The following SLC23A2 variants were observed in gnomAD, a reference collection of about 807,000 sequenced individuals.
SLC23A2 encodes the protein Na(+)/L-ascorbic acid transporter 2.
In SLC23A2, 36 loss-of-function variants were observed where a neutral mutation model predicts 73.3. The observed-to-expected ratio is 0.49, with a 90% CI of 0.38 to 0.65. The LOEUF is 0.65. Ranked by LOEUF, SLC23A2 falls within the 30% of genes least tolerant of loss-of-function variation. SLC23A2 has a pLI of 0.00. For missense variants in SLC23A2, 507 were observed against 841.6 expected (o/e 0.60, Z 4.92); for synonymous variants, 343 against 327.3 (o/e 1.05, Z -0.52).
chr20:4,875,830 G>T (rs1350440415), intron 9 of SLC23A2, among the ~76,000 whole-genome samples: 1 of 152,228 alleles, frequency 6.6e-6, no homozygotes, highest in Non-Finnish European at 1.5e-5. Context: ...GGAAGAGTAG[G>T]TTCTCAGTCA....
intron 9 of SLC23A2, among the ~76,000 whole-genome samples, chr20:4,879,045 T>G (rs1460137203): frequency 6.6e-6 from 1 of 152,204 alleles, no homozygotes; most frequent in African/African-American, 2.4e-5. Flanking sequence ...GTTCCTGACT[T>G]CAAAAGGCAG....
At position 4,902,405 on chromosome 20, in the gene SLC23A2, C is replaced by A; in HGVS notation, c.324+37G>T. 1 of 1,141,604 alleles carries A rather than the reference C, an allele frequency of 8.8e-7. No individual in the cohort carries two copies. The highest frequency in any genetic ancestry group is 1.3e-6 in the Non-Finnish European group (1 of 774,156). 70.7% of individuals were successfully genotyped at this position (1,141,604 alleles called of 1,614,324 possible). ...TCCAGATGGTAGACAATGCAAACAC[C>A]TGCTGGTAGTTACACATCCTACAGG... On this transcript the variant is annotated intron_variant, in intron 5 of 16. Transcript: ENST00000338244. This position sits in a 1 kb window ranked among gnomAD's most constrained non-coding sequence, Gnocchi z 4.0.
Position 4,862,764 on chromosome 20 carries a change from G to C in SLC23A2, c.1486+14C>G. 1 of 1,603,436 alleles carries C rather than the reference G, an allele frequency of 6.2e-7. No homozygotes were observed. The highest frequency in any genetic ancestry group is 1.3e-5 in the African/African-American group (1 of 74,816). On this transcript the variant is annotated intron_variant, in intron 14 of 16. Coordinates refer to ENST00000338244, the MANE Select transcript of SLC23A2 (RefSeq NM_005116.6). The surrounding 1 kb of genome is among the most constrained non-coding windows in gnomAD (Gnocchi z 5.1). ...TGGAAAAGTAAAGGAAAAAGCCAGA[G>C]AGGGGAGTCTTACCAAAGAGCGTGC... is the stretch of plus-strand genomic sequence containing the variant.
chr20:4,895,431 T>C (rs1049364221), intron 6 of SLC23A2, among the ~76,000 whole-genome samples: 3 of 152,204 alleles, frequency 2.0e-5, no homozygotes, highest in African/African-American at 7.2e-5. Context: ...GATGGATCTA[T>C]CTAAGCAACT....
At chr20:4,892,326 A>G (rs927288406) in intron 6 of SLC23A2, among the ~76,000 whole-genome samples, 1 of 151,966 alleles carries the variant, frequency 6.6e-6, no homozygotes, top group African/African-American at 2.4e-5. Flanking sequence ...TACCTGGGAT[A>G]TAGGCACCCA....
At chr20:4,859,191 A>G in intron 16 of SLC23A2, 98 bp downstream of exon 16, 1 of 762,752 alleles carries the variant, frequency 1.3e-6, no homozygotes, top group East Asian at 2.5e-5. Context: ...CTTTGAACTC[A>G]TTTACTCTTC....
chr20:5,000,647 C>T (rs1332153875), intron 1 of SLC23A2, among the ~76,000 whole-genome samples: 1 of 152,158 alleles, frequency 6.6e-6, no homozygotes, highest in African/African-American at 2.4e-5. Flanking sequence ...AATTTCCCAT[C>T]AGTCACGCTT....
Position 4,862,859 on chromosome 20 carries a change from G to A in SLC23A2, c.1405C>T (p.Leu469=). ...GCGCTGAACTTCCCGATCATGCCCA[G>A]AGCGAGCATGAGGGCTGCTCCGCAC... is the stretch of plus-strand genomic sequence containing the variant. ...IQCGAALMLA[L]GMIGKFSALF... The change falls in exon 14 of 17, where the codon CTG becomes TTG. Residue 469 remains leucine, a synonymous_variant. Coordinates refer to ENST00000338244, the MANE Select transcript of SLC23A2 (RefSeq NM_005116.6). The surrounding 1 kb of genome is among the most constrained non-coding windows in gnomAD (Gnocchi z 5.1). 1 of 1,613,668 alleles carries A rather than the reference G, an allele frequency of 6.2e-7. No homozygotes were observed. The highest frequency in any genetic ancestry group is 8.5e-7 in the Non-Finnish European group (1 of 1,179,686).
chr20:4,895,477 T>C (rs1044678003), intron 6 of SLC23A2, among the ~76,000 whole-genome samples: 4 of 152,198 alleles, frequency 2.6e-5, no homozygotes, highest in Non-Finnish European at 5.9e-5. Flanking sequence ...AGTTCACATT[T>C]TCATATGCAA....
At chr20:4,923,262 G>A (rs890276690) in intron 3 of SLC23A2, among the ~76,000 whole-genome samples, 1 of 142,926 alleles carries the variant, frequency 7.0e-6, no homozygotes, top group African/African-American at 2.6e-5. Context: ...GGCAGGGAGG[G>A]AGGGAGGGAG....
intron 2 of SLC23A2, among the ~76,000 whole-genome samples, chr20:4,949,953 A>G (rs1298145575): frequency 6.6e-6 from 1 of 152,180 alleles, no homozygotes; most frequent in East Asian, 1.9e-4. Context: ...GGTACTCAGC[A>G]TGAGACGCTC....
chr20:4,871,516 A>T (rs1309036770), intron 11 of SLC23A2, among the ~76,000 whole-genome samples: 1 of 152,192 alleles, frequency 6.6e-6, no homozygotes, highest in Non-Finnish European at 1.5e-5. Flanking sequence ...CATCTAAGCC[A>T]CCTAGAGGGG....
intron 3 of SLC23A2, 45 bp from the exon 4 acceptor site, chr20:4,913,023 T>C (rs1234248396): frequency 1.2e-5 from 15 of 1,295,592 alleles, no homozygotes; most frequent in Non-Finnish European, 1.7e-5. Context: ...GTGAACCACA[T>C]TTTCCTCCCC....
intron 2 of SLC23A2, among the ~76,000 whole-genome samples, chr20:4,970,020 G>C (rs2087537582): frequency 6.6e-6 from 1 of 152,122 alleles, no homozygotes; most frequent in Non-Finnish European, 1.5e-5. Flanking sequence ...TGTACATGTG[G>C]TTAGTCTCAT....
At chr20:4,975,991 T>C (rs554733374) in intron 1 of SLC23A2, among the ~76,000 whole-genome samples, 59 of 151,758 alleles carry the variant, frequency 3.9e-4, no homozygotes, top group Middle Eastern at 3.4e-3. Context: ...GTAGCTGGGA[T>C]TACGGGCACC....
intron 1 of SLC23A2, among the ~76,000 whole-genome samples, chr20:4,973,034 A>G (rs1554379): frequency 0.44 from 67,355 of 152,128 alleles, 15,005 homozygotes; most frequent in South Asian, 0.53. Flanking sequence ...CAGTTAAGTT[A>G]TAATAACAAA....
At chr20:4,908,048 G>GA (rs996411962) in intron 4 of SLC23A2, among the ~76,000 whole-genome samples, 4 of 151,906 alleles carry the variant, frequency 2.6e-5, no homozygotes, top group South Asian at 2.1e-4. Flanking sequence ...GTGCTAAGAG[G>GA]AAAAAAAAGA....
rs1929730950 is a variant in SLC23A2 at position 4,856,846 on chromosome 20, TC to T, written c.*125del. 6 of 665,664 alleles carry T rather than the reference TC, an allele frequency of 9.0e-6. No individual in the cohort carries two copies. The African/African-American group carries it at 1.1e-4, about 12-fold the overall frequency. 41.2% of individuals were successfully genotyped at this position (665,664 alleles called of 1,614,324 possible). On this transcript the variant is annotated 3_prime_UTR_variant, in exon 17 of 17. Coordinates refer to ENST00000338244, the MANE Select transcript of SLC23A2 (RefSeq NM_005116.6). This position sits in a 1 kb window ranked among gnomAD's most constrained non-coding sequence, Gnocchi z 4.6. ...CTCACAGCAGAAAAGTGATTCGCAG[TC>T]TGTCTTAGCTCTGGGGCGCAGAATG...
At position 4,862,130 on chromosome 20, in the gene SLC23A2, CG is replaced by C; in HGVS notation, c.1487-46del. 1 of 1,606,014 alleles carries C rather than the reference CG, an allele frequency of 6.2e-7. No individual in the cohort carries two copies. The highest frequency in any genetic ancestry group is 8.5e-7 in the Non-Finnish European group (1 of 1,175,250). On this transcript the variant is annotated intron_variant, in intron 14 of 16. Transcript: ENST00000338244. This position sits in a 1 kb window ranked among gnomAD's most constrained non-coding sequence, Gnocchi z 5.1. The stretch of plus-strand genomic sequence containing the variant: ...ACCACAAGCTCCAGCACCACTACAG[CG>C]GGGACAGCTCAAGGCAGGTGAGGGC...
Sources: gnomAD v4.1 joint callset for allele counts (sites outside exome capture counted in the v4.1 genomes callset) on GRCh38, gnomAD v4.1.1 for gene constraint, Gnocchi (gnomAD v3.1) non-coding constraint, MANE v1.5 for transcripts, NCBI Gene and HGNC (gene_info 2026-07-23, HGNC 2026-07-21) for gene names.